The following CIT variants were observed in gnomAD, a reference collection of about 807,000 sequenced individuals.
The protein encoded by CIT is citron Rho-interacting kinase.
A neutral mutation model predicts 272.7 loss-of-function variants in CIT; 79 were observed. That is an observed-to-expected ratio of 0.29 (90% CI 0.24 to 0.35). CIT has a LOEUF of 0.35. CIT is among the 10% of genes least tolerant of loss of function. The probability of loss-of-function intolerance (pLI) is 1.00; values close to 1 mark genes in which losing one functional copy is unlikely to be tolerated. For missense variants in CIT, 1,909 were observed against 2,618.3 expected, an observed-to-expected ratio of 0.73 and a Z score of 5.91; for synonymous variants, 948 against 995.6, an observed-to-expected ratio of 0.95 and a Z score of 0.90.
At chr12:119,745,274 A>G in intron 23 of CIT, among the ~76,000 whole-genome samples, 2 of 149,370 alleles carry the variant, frequency 1.3e-5, no homozygotes, top group Non-Finnish European at 3.0e-5. Context: ...TGAGAAAGAC[A>G]GATTTCTCAC....
intron 19 of CIT, among the ~76,000 whole-genome samples, chr12:119,763,145 G>A (rs1430087198): frequency 6.6e-6 from 1 of 152,118 alleles, no homozygotes; most frequent in Non-Finnish European, 1.5e-5. Flanking sequence ...GGAAGAAGGG[G>A]AGCAAAATGT....
At chr12:119,695,046 T>C (rs543309045) in intron 46 of CIT, among the ~76,000 whole-genome samples, 1 of 152,208 alleles carries the variant, frequency 6.6e-6, no homozygotes, top group Admixed American at 6.5e-5. Context: ...GCACCTCTGC[T>C]TTTCCAGCAA....
At chr12:119,771,463 C>T (rs1452411328) in intron 17 of CIT, among the ~76,000 whole-genome samples, 1 of 152,108 alleles carries the variant, frequency 6.6e-6, no homozygotes, top group Admixed American at 6.5e-5. Flanking sequence ...AGTCAAGAGC[C>T]AGTCTGGGCC....
chr12:119,857,654 T>C lies in CIT; in HGVS notation c.283A>G (p.Lys95Glu). The C allele has an allele frequency of 6.2e-7, 1 of 1,614,212 alleles. No homozygotes were observed. The highest frequency in any genetic ancestry group is 8.5e-7 in the Non-Finnish European group (1 of 1,180,046). The change falls in exon 4 of 48, where the codon AAG becomes GAG. Residue 95 changes from lysine to glutamate, a missense_variant. Coordinates refer to ENST00000392521, the MANE Select transcript of CIT (RefSeq NM_001206999.2). ...ACAAGACTTCTGACTTCGAAGTCCT[T>C]TGCCGAAGGCTGGAGCTCCTGTAAC... ...AELQELQPSA[K>E]DFEVRSLVGC... is the part of the protein sequence containing the mutation.
chr12:119,833,256 T>G (rs1233453219), intron 6 of CIT, among the ~76,000 whole-genome samples: 1 of 152,220 alleles, frequency 6.6e-6, no homozygotes, highest in Non-Finnish European at 1.5e-5. Context: ...ATGGAAAAGC[T>G]GAGACTCTAT....
chr12:119,767,021 A>C, intron 19 of CIT, 66 bp downstream of exon 19: 1 of 1,191,984 alleles, frequency 8.4e-7, no homozygotes, highest in Admixed American at 2.3e-5. Flanking sequence ...ACAAGGGCCC[A>C]GGAAGAGATG....
rs1956260675 is a variant in CIT at position 119,697,015 on chromosome 12, T to C, written c.5882+644A>G. On this transcript the variant is annotated intron_variant, in intron 46 of 47. Coordinates refer to ENST00000392521, the MANE Select transcript of CIT (RefSeq NM_001206999.2). The surrounding 1 kb of genome is among the most constrained non-coding windows in gnomAD (Gnocchi z 4.9). ...ATCAATGGCTGTTTGAGTCCAATCC[T>C]GTTCAGGAGGTCTCGCATTCCAGGG... is the stretch of plus-strand genomic sequence containing the variant. 6.6e-6 allele frequency among the ~76,000 whole-genome samples: 1 copy of C among 152,280 alleles called. No individual in the cohort carries two copies. Among genetic ancestry groups the C allele is most frequent in the African/African-American group, 2.4e-5 (1 of 41,550 alleles).
At chr12:119,729,397 A>G (rs990480412) in intron 27 of CIT, among the ~76,000 whole-genome samples, 5 of 152,198 alleles carry the variant, frequency 3.3e-5, no homozygotes, top group African/African-American at 1.2e-4. Context: ...TGTTTATCAT[A>G]TTGTTATTTA....
chr12:119,783,622 A>G, intron 12 of CIT: 1 of 260,566 alleles, frequency 3.8e-6, no homozygotes. Context: ...AGATGTTAAG[A>G]TCTTTTGCAA....
intron 10 of CIT, among the ~76,000 whole-genome samples, chr12:119,796,603 G>A (rs891412393): frequency 2.6e-5 from 4 of 152,182 alleles, no homozygotes; most frequent in African/African-American, 9.7e-5. Flanking sequence ...ACAGAGGATG[G>A]GATGGTGAGA....
At chr12:119,817,427 GC>G (rs1967293911) in intron 9 of CIT, among the ~76,000 whole-genome samples, 1 of 152,064 alleles carries the variant, frequency 6.6e-6, no homozygotes, top group Non-Finnish European at 1.5e-5. Flanking sequence ...CAGAAGAATG[GC>G]GTGAACCTGG....
chr12:119,808,557 C>T (rs1446754696), intron 9 of CIT, among the ~76,000 whole-genome samples: 1 of 151,870 alleles, frequency 6.6e-6, no homozygotes, highest in Non-Finnish European at 1.5e-5. Flanking sequence ...TCGTAAAACT[C>T]CTAAGACTTT....
intron 22 of CIT, 75 bp downstream of exon 22, chr12:119,757,296 T>C: frequency 2.6e-6 from 4 of 1,557,926 alleles, no homozygotes; most frequent in Non-Finnish European, 3.5e-6. Flanking sequence ...GATATTGATT[T>C]GTGCTCGAAA....
At chr12:119,834,027 A>G in intron 6 of CIT, 59 bp downstream of exon 6, 1 of 1,501,350 alleles carries the variant, frequency 6.7e-7, no homozygotes, top group East Asian at 2.3e-5. Flanking sequence ...TCCATGCAGG[A>G]ACTCTTATGC....
At chr12:119,860,986 T>C (rs1950318044) in intron 3 of CIT, among the ~76,000 whole-genome samples, 1 of 151,602 alleles carries the variant, frequency 6.6e-6, no homozygotes, top group African/African-American at 2.4e-5. Flanking sequence ...CTGGGTATGG[T>C]GACACATGCC....
At chr12:119,869,294 CAACT>C in intron 2 of CIT, 93 bp from the exon 3 acceptor site, 1 of 1,233,240 alleles carries the variant, frequency 8.1e-7, no homozygotes, top group Non-Finnish European at 1.1e-6. Flanking sequence ...GCCACCAACT[CAACT>C]AACTGCTCAC....
intron 4 of CIT, among the ~76,000 whole-genome samples, chr12:119,852,760 A>G (rs1465959334): frequency 2.6e-5 from 4 of 151,850 alleles, no homozygotes; most frequent in African/African-American, 4.8e-5. Context: ...TAAATTATAT[A>G]TATGCATATA....
chr12:119,701,823 G>T (rs1418667321), intron 42 of CIT, 27 bp downstream of exon 42: 12 of 1,613,880 alleles, frequency 7.4e-6, no homozygotes, highest in Non-Finnish European at 1.0e-5. Context: ...AGCCATGGGT[G>T]GGTGCGAAAG....
At chr12:119,714,416 G>A in intron 32 of CIT, 82 bp from the exon 33 acceptor site, 8 of 1,445,532 alleles carry the variant, frequency 5.5e-6, no homozygotes, top group Admixed American at 2.0e-5. Context: ...CACAGAAAGG[G>A]AAAAAATACT....
Sources: allele counts gnomAD v4.1 joint callset (sites outside exome capture counted in the v4.1 genomes callset), GRCh38; gene constraint gnomAD v4.1.1; non-coding constraint Gnocchi (gnomAD v3.1); transcripts MANE v1.5; gene names NCBI Gene and HGNC (gene_info 2026-07-23, HGNC 2026-07-21).